The following PHACTR4 variants were observed in gnomAD, a reference collection of about 807,000 sequenced individuals.
PHACTR4 encodes the protein phosphatase and actin regulator 4, also known as protein phosphatase 1, regulatory subunit 124.
PHACTR4 carries 51 observed loss-of-function variants against 72.7 expected under a neutral mutation model. The observed-to-expected ratio is 0.70, with a 90% CI of 0.56 to 0.89. The LOEUF (loss-of-function observed/expected upper bound fraction) is 0.89, where lower values mean the gene tolerates loss of function less well. Among genes scored for constraint, PHACTR4 ranks in the 40% least tolerant of loss-of-function variants. PHACTR4 has a pLI of 0.00. For missense variants in PHACTR4, 731 were observed against 861.8 expected, an observed-to-expected ratio of 0.85 and a Z score of 1.90; for synonymous variants, 255 against 302.5, an observed-to-expected ratio of 0.84 and a Z score of 1.63.
chr1:28,498,921 A>G lies in PHACTR4; in HGVS notation c.*2372A>G. 1 of 151,950 alleles carries G rather than the reference A, an allele frequency of 6.6e-6. No homozygotes were observed. 9.4% of individuals were successfully genotyped at this position (151,950 alleles called of 1,614,324 possible). A position where few individuals can be genotyped will look rare whatever the true frequency, so the allele number is the denominator to read the frequency against. ...TGTCTCTACTAAAAATACAAAAATTAGCCTGGCGTGGTGGCACGCATCTGT... is the reference window on the plus strand; with the variant it reads ...TGTCTCTACTAAAAATACAAAAATTGGCCTGGCGTGGTGGCACGCATCTGT... On this transcript the variant is annotated 3_prime_UTR_variant, in exon 14 of 14. Transcript: ENST00000373839.
At chr1:28,434,968 G>A (rs35849797) in intron 2 of PHACTR4, among the ~76,000 whole-genome samples, 44,156 of 152,056 alleles carry the variant, frequency 0.29, 6,655 homozygotes, top group Middle Eastern at 0.34. Flanking sequence ...AGAAGGTACT[G>A]TTTCTGGGCT....
chr1:28,378,331 G>A (rs1008833662), intron 1 of PHACTR4, among the ~76,000 whole-genome samples: 12 of 138,548 alleles, frequency 8.7e-5, no homozygotes, highest in Non-Finnish European at 1.5e-4. Flanking sequence ...GTGAAACCCC[G>A]TCTCTACTAA....
In PHACTR4 at chr1:28,487,733, T is replaced by G. The variant is rs1315525248; in HGVS notation, c.1761-1437T>G. On this transcript the variant is annotated intron_variant, in intron 9 of 13. Transcript: ENST00000373839. Reference sequence around the variant, plus strand: ...CAAATTGTAGTTTTTTGTTGTTTTTTTTTTTTTTTTTTTTTTTTTTGAGAT... The same window carrying G: ...CAAATTGTAGTTTTTTGTTGTTTTTGTTTTTTTTTTTTTTTTTTTTGAGAT... Among the ~76,000 whole-genome samples the G allele has an allele frequency of 6.4e-4, 82 of 128,406 alleles. 5 individuals are homozygous for G. Among genetic ancestry groups the G allele is most frequent in the African/African-American group, 2.4e-3 (77 of 32,702 alleles). 84.2% of individuals were successfully genotyped at this position (128,406 alleles called of 152,430 possible).
intron 2 of PHACTR4, among the ~76,000 whole-genome samples, chr1:28,429,218 C>T (rs958391732): frequency 1.3e-5 from 2 of 152,208 alleles, no homozygotes; most frequent in Non-Finnish European, 2.9e-5. Flanking sequence ...GGCTAGTTCA[C>T]ATGAAGTACA....
intron 2 of PHACTR4, among the ~76,000 whole-genome samples, chr1:28,452,130 CTGTGTGGGTTCTTA>C (rs924114581): frequency 3.9e-5 from 6 of 152,040 alleles, no homozygotes; most frequent in African/African-American, 1.2e-4. Flanking sequence ...CAGGTTTCAA[CTGTGTGGGTTCTTA>C]TGTGTGGATG....
chr1:28,428,081 C>A (rs937154468), intron 2 of PHACTR4, among the ~76,000 whole-genome samples: 4 of 152,154 alleles, frequency 2.6e-5, no homozygotes, highest in African/African-American at 9.7e-5. Flanking sequence ...AATATTGAAT[C>A]GGTTAAATCA....
At chr1:28,470,621 A>G (rs1659499975) in intron 6 of PHACTR4, among the ~76,000 whole-genome samples, 1 of 152,000 alleles carries the variant, frequency 6.6e-6, no homozygotes, top group African/African-American at 2.4e-5. Flanking sequence ...ACCTGAGCCC[A>G]GGGAGGTCAA....
intron 2 of PHACTR4, chr1:28,438,520 C>T (rs1056261192): frequency 8.6e-6 from 12 of 1,400,570 alleles, no homozygotes; most frequent in Non-Finnish European, 1.1e-5. Flanking sequence ...AAGTTAAACA[C>T]GAGAATGTTG....
intron 9 of PHACTR4, 48 bp from the exon 10 acceptor site, chr1:28,489,122 G>T (rs1660883597): frequency 6.6e-7 from 1 of 1,515,372 alleles, no homozygotes; most frequent in East Asian, 2.3e-5. Flanking sequence ...TTATAAACAA[G>T]ATTGGGAGGT....
At chr1:28,444,243 T>C (rs796814811) in intron 2 of PHACTR4, among the ~76,000 whole-genome samples, 10,488 of 95,976 alleles carry the variant, frequency 0.11, 607 homozygotes, top group African/African-American at 0.31. Flanking sequence ...TTTTTTTTTT[T>C]TGAGACAGAG....
chr1:28,376,312 CAA>C (rs548365936), intron 1 of PHACTR4, among the ~76,000 whole-genome samples: 110 of 129,936 alleles, frequency 8.5e-4, no homozygotes, highest in African/African-American at 1.4e-3. Context: ...GACCTTGTCT[CAA>C]AAAAAAAAAA....
intron 1 of PHACTR4, among the ~76,000 whole-genome samples, chr1:28,401,327 G>C (rs912479811): frequency 7.0e-6 from 1 of 143,166 alleles, no homozygotes; most frequent in East Asian, 2.0e-4. Flanking sequence ...TTTTGGGGGG[G>C]ATGGAGTCTC....
intron 2 of PHACTR4, among the ~76,000 whole-genome samples, chr1:28,408,672 T>TA (rs1557793964): frequency 3.1e-4 from 46 of 148,908 alleles, no homozygotes; most frequent in African/African-American, 1.0e-3. Flanking sequence ...ATATATATAT[T>TA]TTTTTTTAAT....
At chr1:28,426,076 C>G (rs574523761) in intron 2 of PHACTR4, among the ~76,000 whole-genome samples, 2 of 152,220 alleles carry the variant, frequency 1.3e-5, no homozygotes, top group East Asian at 1.9e-4. Flanking sequence ...CAAAAATTAG[C>G]CAGGCGTAGT....
At chr1:28,455,218 T>C (rs1241878198) in intron 2 of PHACTR4, among the ~76,000 whole-genome samples, 1 of 145,708 alleles carries the variant, frequency 6.9e-6, no homozygotes, top group Non-Finnish European at 1.5e-5. Context: ...TTTTTTTTTT[T>C]GAGACAGAGT....
chr1:28,379,597 T>TC (rs1651975068), intron 1 of PHACTR4, among the ~76,000 whole-genome samples: 2 of 150,362 alleles, frequency 1.3e-5, no homozygotes, highest in Admixed American at 6.6e-5. Flanking sequence ...TCTTTTCTTT[T>TC]TTTTTTTTTT....
At chr1:28,437,218 C>T (rs1171733892) in intron 2 of PHACTR4, among the ~76,000 whole-genome samples, 1 of 151,990 alleles carries the variant, frequency 6.6e-6, no homozygotes, top group Admixed American at 6.6e-5. Context: ...ACATTTCTTT[C>T]TTTCTTTTAT....
At position 28,480,544 on chromosome 1, in the gene PHACTR4, C is replaced by T. The variant is rs770144222; in HGVS notation, c.1700C>T (p.Pro567Leu). 1 of 1,614,166 alleles carries T rather than the reference C, an allele frequency of 6.2e-7. No individual in the cohort carries two copies. Among genetic ancestry groups the T allele is most frequent in the Non-Finnish European group, 8.5e-7 (1 of 1,180,036 alleles). The part of the protein sequence containing the change: ...SEPELNLNSW[P>L]CKSKEEWNEI... ...CCAGAGTTGAACCTGAATTCTTGGC[C>T]TTGTAAAAGCAAGGAGGAGTGGAAT... The change falls in exon 9 of 14, where the codon CCT (proline) becomes CTT (leucine). Residue 567 changes from proline (P) to leucine (L), a missense_variant. Pro to Leu is a moderately conservative substitution (Grantham distance 98, BLOSUM62 -3). Transcript: ENST00000373839.
intron 1 of PHACTR4, among the ~76,000 whole-genome samples, chr1:28,399,502 G>A (rs1036328173): frequency 2.6e-5 from 4 of 152,090 alleles, no homozygotes; most frequent in South Asian, 2.1e-4. Context: ...GCTCACATAC[G>A]TCATGGATAC....
Sources: allele counts gnomAD v4.1 joint callset (sites outside exome capture counted in the v4.1 genomes callset), GRCh38; gene constraint gnomAD v4.1.1; transcripts MANE v1.5; gene names NCBI Gene and HGNC (gene_info 2026-07-23, HGNC 2026-07-21).